Variants in TXLNB observed in about 807,000 individuals in gnomAD.
The protein encoded by TXLNB is taxilin beta.
Under a neutral mutation model 57.4 loss-of-function variants are expected in TXLNB, and 37 were observed. That is an observed-to-expected ratio of 0.64 (90% confidence interval 0.50 to 0.85). The LOEUF (loss-of-function observed/expected upper bound fraction) is 0.85, where lower values mean the gene tolerates loss of function less well. Ranked by LOEUF, TXLNB falls within the 40% of genes least tolerant of loss-of-function variation. The pLI is 0.00. For synonymous variants in TXLNB, 302 were observed against 309.6 expected (o/e 0.98, Z 0.26); for missense variants, 848 against 825.6 (o/e 1.03, Z -0.33).
intron 2 of TXLNB, among the ~76,000 whole-genome samples, chr6:139,287,529 T>G (rs1777203764): frequency 6.6e-6 from 1 of 152,236 alleles, no homozygotes; most frequent in South Asian, 2.1e-4. Flanking sequence ...ATGTGGTCTC[T>G]GCCCTTGATA....
the TXLNB span, among the ~76,000 whole-genome samples, chr6:139,173,061 A>G: frequency 6.6e-6 from 1 of 152,218 alleles, no homozygotes; most frequent in Non-Finnish European, 1.5e-5. Flanking sequence ...CAGAGAGTGC[A>G]AATGAAATTT....
the TXLNB span, among the ~76,000 whole-genome samples, chr6:139,229,588 G>C: frequency 6.6e-5 from 10 of 152,188 alleles, no homozygotes; most frequent in African/African-American, 2.2e-4. Context: ...CTCCCAAAGT[G>C]CTGGGATTAC....
chr6:139,238,524 A>G (rs1775862056), downstream of TXLNB, among the ~76,000 whole-genome samples: 1 of 152,246 alleles, frequency 6.6e-6, no homozygotes, highest in Admixed American at 6.5e-5. Context: ...CATGTGACAG[A>G]AGCTAGCATT....
the TXLNB span, among the ~76,000 whole-genome samples, chr6:139,233,676 C>T: frequency 1.3e-5 from 2 of 152,116 alleles, no homozygotes; most frequent in Non-Finnish European, 2.9e-5. Flanking sequence ...TTTCCTGAGG[C>T]CTCCCCAGCC....
At chr6:139,208,281 A>C in the TXLNB span, among the ~76,000 whole-genome samples, 1 of 152,194 alleles carries the variant, frequency 6.6e-6, no homozygotes, top group Non-Finnish European at 1.5e-5. Context: ...AATAGCAAGC[A>C]ATGAGATTGA....
At chr6:139,182,404 AAAG>A in the TXLNB span, among the ~76,000 whole-genome samples, 86 of 152,350 alleles carry the variant, frequency 5.6e-4, no homozygotes, top group Middle Eastern at 3.4e-3. Context: ...GTTGCAGAAA[AAAG>A]AAGTTAAATG....
rs1777095230 is a variant in TXLNB at position 139,283,264 on chromosome 6, T to C, written c.424+5212A>G. The C allele has an allele frequency of 1.7e-5, 2 of 119,114 alleles. 1 individual carries two copies. Among genetic ancestry groups the C allele is most frequent in the African/African-American group, 7.0e-5 (2 of 28,606 alleles). 7.4% of individuals were successfully genotyped at this position (119,114 alleles called of 1,614,324 possible). A position where few individuals can be genotyped will look rare whatever the true frequency, so the allele number is the denominator to read the frequency against. ...AGAGACATTTCCCAAATATTCAAGG[T>C]GTTCTGTAAAAAAAAAAAAAAAAAA... is the stretch of plus-strand genomic sequence containing the variant. On this transcript the variant is annotated intron_variant, in intron 2 of 9. Transcript: ENST00000358430.
At chr6:139,252,064 T>C (rs749252004) in intron 7 of TXLNB, among the ~76,000 whole-genome samples, 17 of 152,272 alleles carry the variant, frequency 1.1e-4, no homozygotes, top group Non-Finnish European at 2.4e-4. Flanking sequence ...TTGTATCCCA[T>C]TGATCATCTC....
downstream of TXLNB, among the ~76,000 whole-genome samples, chr6:139,237,842 C>G (rs1775854087): frequency 6.6e-6 from 1 of 152,094 alleles, no homozygotes; most frequent in South Asian, 2.1e-4. Context: ...AAATCCTGGG[C>G]TCTAAAATTC....
chr6:139,244,529 TGTATC>T (rs1163348715), intron 9 of TXLNB, 61 bp downstream of exon 9: 10 of 1,091,076 alleles, frequency 9.2e-6, no homozygotes, highest in Non-Finnish European at 1.3e-5. Context: ...AGGTTATAAT[TGTATC>T]GTAAGTTTGA....
At position 139,276,225 on chromosome 6, in the gene TXLNB, C is replaced by T. The variant is rs1208319270; in HGVS notation, c.516+605G>A. On this transcript the variant is annotated intron_variant, in intron 3 of 9. Transcript: ENST00000358430. ...CCAAGTCCAATATTAAAAACTCAGGCAACTGACTAACTTTAATAAAGTTTC... is the reference window on the plus strand; with the variant it reads ...CCAAGTCCAATATTAAAAACTCAGGTAACTGACTAACTTTAATAAAGTTTC... 2.6e-5 allele frequency among the ~76,000 whole-genome samples: 4 copies of T among 152,182 alleles called. No homozygotes were observed. The East Asian group carries it at 7.7e-4, about 29-fold the overall frequency.
upstream of TXLNB, among the ~76,000 whole-genome samples, chr6:139,294,537 G>T (rs1167662437): frequency 2.0e-5 from 3 of 152,084 alleles, no homozygotes; most frequent in African/African-American, 7.3e-5. Context: ...TTATGAATGG[G>T]ATTAGTGTTC....
chr6:139,292,090 A>G (rs528972317), upstream of TXLNB: 106 of 138,350 alleles, frequency 7.7e-4, no homozygotes, highest in Middle Eastern at 3.5e-3. The surrounding 1 kb of genome is among the most constrained non-coding windows in gnomAD (Gnocchi z 4.0). Context: ...GCGCGCGCAC[A>G]CACACACACA....
the TXLNB span, among the ~76,000 whole-genome samples, chr6:139,186,914 T>A: frequency 6.6e-6 from 1 of 152,190 alleles, no homozygotes; most frequent in African/African-American, 2.4e-5. Context: ...TGCAAATGAA[T>A]CTGGTGACAG....
chr6:139,244,351 T>C (rs1247287627), intron 9 of TXLNB, among the ~76,000 whole-genome samples: 4 of 152,202 alleles, frequency 2.6e-5, no homozygotes, highest in Non-Finnish European at 1.5e-5. Context: ...TGGGTACAGC[T>C]ATTGAATCAA....
chr6:139,213,923 G>A, the TXLNB span, among the ~76,000 whole-genome samples: 1 of 151,872 alleles, frequency 6.6e-6, no homozygotes, highest in Non-Finnish European at 1.5e-5. Context: ...CCAAGACTAA[G>A]CCAGGAAGAA....
chr6:139,189,817 G>T, the TXLNB span, among the ~76,000 whole-genome samples: 1 of 152,186 alleles, frequency 6.6e-6, no homozygotes, highest in East Asian at 1.9e-4. Context: ...TCAGATGGGG[G>T]ATACAGAGAT....
the TXLNB span, among the ~76,000 whole-genome samples, chr6:139,224,866 TATA>T: frequency 6.6e-6 from 1 of 152,096 alleles, no homozygotes; most frequent in Non-Finnish European, 1.5e-5. Flanking sequence ...CTTCCCAACT[TATA>T]ATGACAAGAA....
chr6:139,175,073 A>G, the TXLNB span, among the ~76,000 whole-genome samples: 8 of 152,162 alleles, frequency 5.3e-5, no homozygotes, highest in Non-Finnish European at 8.8e-5. Flanking sequence ...TGAGGTTGTA[A>G]TCCTTAAAGC....
Sources: allele counts gnomAD v4.1 joint callset (sites outside exome capture counted in the v4.1 genomes callset), GRCh38; gene constraint gnomAD v4.1.1; non-coding constraint Gnocchi (gnomAD v3.1); transcripts MANE v1.5; gene names NCBI Gene and HGNC (gene_info 2026-07-23, HGNC 2026-07-21).